The following DLG2 variants were observed in gnomAD, a reference collection of about 807,000 sequenced individuals.
DLG2 encodes the protein disks large homolog 2.
A neutral mutation model predicts 132.5 loss-of-function variants in DLG2; 45 were observed. That is an observed-to-expected ratio of 0.34 (90% CI 0.27 to 0.44). The LOEUF is 0.44. Ranked by LOEUF, DLG2 falls within the 20% of genes least tolerant of loss-of-function variation. The pLI, the probability that DLG2 is intolerant of heterozygous loss-of-function variation, is 1.00. For synonymous variants in DLG2, 424 were observed against 419.6 expected, an observed-to-expected ratio of 1.01 and a Z score of -0.13; for missense variants, 1,045 against 1,196.9, an observed-to-expected ratio of 0.87 and a Z score of 1.87.
intron 6 of DLG2, among the ~76,000 whole-genome samples, chr11:84,567,404 A>C (rs540982041): frequency 7.9e-4 from 120 of 152,304 alleles, no homozygotes; most frequent in Middle Eastern, 3.4e-3. Context: ...AATTTGGAAC[A>C]AATATTAAGT....
chr11:84,474,405 G>C (rs2154491509), intron 7 of DLG2, among the ~76,000 whole-genome samples: 1 of 152,096 alleles, frequency 6.6e-6, no homozygotes, highest in East Asian at 1.9e-4. Context: ...GCATTTCTCT[G>C]GAAGCCTTTC....
chr11:83,628,520 T>G (rs1591265341), intron 19 of DLG2, among the ~76,000 whole-genome samples: 1 of 152,160 alleles, frequency 6.6e-6, no homozygotes, highest in East Asian at 1.9e-4. Context: ...GAGTTTCAGT[T>G]TCTTCATCTA....
intron 15 of DLG2, among the ~76,000 whole-genome samples, chr11:83,900,249 C>G (rs1330540325): frequency 6.6e-6 from 1 of 152,224 alleles, no homozygotes; most frequent in East Asian, 1.9e-4. Context: ...AAATTTGCAG[C>G]TGATAATGGG....
intron 11 of DLG2, among the ~76,000 whole-genome samples, chr11:84,006,087 C>T (rs770409933): frequency 4.6e-5 from 7 of 151,650 alleles, no homozygotes; most frequent in Non-Finnish European, 7.4e-5. Context: ...AAGTATCCAT[C>T]AATGAATAAA....
intron 16 of DLG2, among the ~76,000 whole-genome samples, chr11:83,851,232 G>A (rs1332507767): frequency 6.6e-6 from 1 of 151,888 alleles, no homozygotes; most frequent in Non-Finnish European, 1.5e-5. Context: ...CCCAGAATGT[G>A]ACATGTTAGG....
At chr11:83,761,757 T>C (rs1252138621) in intron 18 of DLG2, among the ~76,000 whole-genome samples, 1 of 152,192 alleles carries the variant, frequency 6.6e-6, no homozygotes, top group African/African-American at 2.4e-5. Flanking sequence ...CCCTAATACA[T>C]GGGAAACATG....
intron 3 of DLG2, among the ~76,000 whole-genome samples, chr11:85,322,011 C>T (rs2081104940): frequency 6.6e-6 from 1 of 152,002 alleles, no homozygotes. Context: ...CAGCAGTTCC[C>T]TATTTCCTAT....
intron 6 of DLG2, among the ~76,000 whole-genome samples, chr11:84,950,316 T>C (rs181299378): frequency 6.6e-6 from 1 of 152,196 alleles, no homozygotes; most frequent in African/African-American, 2.4e-5. Flanking sequence ...TCTGTGGGTG[T>C]TATCTAATTC....
At chr11:85,324,860 C>T (rs967499741) in intron 3 of DLG2, among the ~76,000 whole-genome samples, 2 of 150,896 alleles carry the variant, frequency 1.3e-5, no homozygotes, top group East Asian at 3.9e-4. Context: ...ATCTGAGGTA[C>T]CGGGTTCATC....
intron 3 of DLG2, among the ~76,000 whole-genome samples, chr11:85,345,845 A>G (rs1357449661): frequency 6.6e-6 from 1 of 152,084 alleles, no homozygotes; most frequent in Non-Finnish European, 1.5e-5. Flanking sequence ...AGCAAAAGTT[A>G]GTTGATCACA....
intron 6 of DLG2, among the ~76,000 whole-genome samples, chr11:84,579,045 G>A (rs2099510172): frequency 6.6e-6 from 1 of 152,050 alleles, no homozygotes; most frequent in Admixed American, 6.5e-5. Flanking sequence ...CATTTAAGAA[G>A]TGCCTTTTGC....
At chr11:85,620,123 TCA>T (rs2081598900) in intron 2 of DLG2, among the ~76,000 whole-genome samples, 1 of 152,224 alleles carries the variant, frequency 6.6e-6, no homozygotes, top group Non-Finnish European at 1.5e-5. Flanking sequence ...TTGGTAATTC[TCA>T]CAATATTTCA....
At chr11:85,618,120 A>T (rs1355135759) in intron 2 of DLG2, among the ~76,000 whole-genome samples, 1 of 152,182 alleles carries the variant, frequency 6.6e-6, no homozygotes, top group Non-Finnish European at 1.5e-5. Context: ...TGGAATTCAG[A>T]ATGACTAACT....
chr11:84,294,634 T>C (rs1000529326), intron 7 of DLG2, among the ~76,000 whole-genome samples: 28 of 152,142 alleles, frequency 1.8e-4, no homozygotes, highest in Non-Finnish European at 1.5e-5. Context: ...GAACATCTCT[T>C]GCTCTCTATA....
intron 21 of DLG2, among the ~76,000 whole-genome samples, chr11:83,508,745 G>A (rs142960488): frequency 6.6e-6 from 1 of 152,130 alleles, no homozygotes; most frequent in East Asian, 1.9e-4. Context: ...CAATACAAAT[G>A]AGAAAACTGA....
At chr11:84,149,959 T>C (rs1452817294) in intron 9 of DLG2, among the ~76,000 whole-genome samples, 3 of 152,224 alleles carry the variant, frequency 2.0e-5, no homozygotes, top group South Asian at 4.1e-4. Flanking sequence ...GGTTTCACTA[T>C]ATTGGTCAGG....
intron 6 of DLG2, among the ~76,000 whole-genome samples, chr11:84,583,577 G>A (rs948933716): frequency 6.6e-6 from 1 of 152,172 alleles, no homozygotes; most frequent in African/African-American, 2.4e-5. Flanking sequence ...GTAAGGGAAA[G>A]TCTTGAAGCA....
At chr11:84,205,696 A>G (rs2154303658) in intron 8 of DLG2, among the ~76,000 whole-genome samples, 1 of 152,264 alleles carries the variant, frequency 6.6e-6, no homozygotes, top group Admixed American at 6.5e-5. Context: ...ACTCAGCTAA[A>G]GTGGTGCTAA....
At chr11:84,067,830 A>G (rs2096702296) in intron 10 of DLG2, among the ~76,000 whole-genome samples, 1 of 152,220 alleles carries the variant, frequency 6.6e-6, no homozygotes, top group African/African-American at 2.4e-5. Context: ...AAGAATAAAA[A>G]TCAGCATAAT....
Sources: gnomAD v4.1 joint callset for allele counts (sites outside exome capture counted in the v4.1 genomes callset) on GRCh38, gnomAD v4.1.1 for gene constraint, MANE v1.5 for transcripts, NCBI Gene and HGNC (gene_info 2026-07-23, HGNC 2026-07-21) for gene names.